Variants in DOCK5 observed in about 807,000 individuals in gnomAD.
The protein encoded by DOCK5 is dedicator of cytokinesis 5.
In DOCK5, 142 loss-of-function variants were observed where a neutral mutation model predicts 251.8. The observed-to-expected ratio is 0.56, with a 90% CI of 0.49 to 0.65. The LOEUF (loss-of-function observed/expected upper bound fraction) is 0.65. Among genes scored for constraint, DOCK5 ranks in the 30% least tolerant of loss-of-function variants. DOCK5 has a pLI of 0.00. For missense variants in DOCK5, 2,111 were observed against 2,312.3 expected (o/e 0.91, Z 1.79); for synonymous variants, 842 against 835.5 (o/e 1.01, Z -0.13).
intron 5 of DOCK5, among the ~76,000 whole-genome samples, chr8:25,285,673 C>A (rs149044454): frequency 1.3e-4 from 20 of 152,290 alleles, no homozygotes; most frequent in Non-Finnish European, 2.1e-4. Context: ...CTGCTGGATT[C>A]TAATCTCTTT....
At chr8:25,238,820 C>T (rs541345037) in intron 1 of DOCK5, among the ~76,000 whole-genome samples, 1 of 152,288 alleles carries the variant, frequency 6.6e-6, no homozygotes, top group Admixed American at 6.5e-5. Context: ...ATATTCTTTT[C>T]TGACATCGTT....
intron 5 of DOCK5, among the ~76,000 whole-genome samples, chr8:25,284,648 A>T (rs1436070103): frequency 6.6e-6 from 1 of 152,204 alleles, no homozygotes; most frequent in Non-Finnish European, 1.5e-5. Context: ...CACACGGCTG[A>T]GGTGGAATCA....
At chr8:25,198,126 A>G (rs1431180390) in intron 1 of DOCK5, among the ~76,000 whole-genome samples, 1 of 152,112 alleles carries the variant, frequency 6.6e-6, no homozygotes. Flanking sequence ...CTCTTTGCTG[A>G]CTCAGCCAAG....
At chr8:25,397,040 C>T (rs748187880) in intron 45 of DOCK5, among the ~76,000 whole-genome samples, 15 of 151,820 alleles carry the variant, frequency 9.9e-5, no homozygotes, top group Non-Finnish European at 1.9e-4. Context: ...GCGAACTTGG[C>T]GAAACCCTGT....
At chr8:25,203,467 T>A (rs1041703519) in intron 1 of DOCK5, among the ~76,000 whole-genome samples, 2 of 152,248 alleles carry the variant, frequency 1.3e-5, no homozygotes, top group Non-Finnish European at 2.9e-5. Context: ...TGAGCTGTGA[T>A]CTAAGCCAAG....
intron 5 of DOCK5, among the ~76,000 whole-genome samples, chr8:25,284,438 A>C (rs887961575): frequency 7.9e-5 from 12 of 152,218 alleles, no homozygotes; most frequent in Admixed American, 2.6e-4. Flanking sequence ...TTGCCCACCT[A>C]CTGTGGTTAT....
chr8:25,366,064 C>A (rs1243944838), intron 30 of DOCK5, among the ~76,000 whole-genome samples: 1 of 152,124 alleles, frequency 6.6e-6, no homozygotes, highest in Non-Finnish European at 1.5e-5. Context: ...TTTTTAATGG[C>A]TGAATATCAT....
intron 30 of DOCK5, 96 bp downstream of exon 30, chr8:25,364,800 T>C (rs1174132553): frequency 1.1e-6 from 1 of 910,638 alleles, no homozygotes; most frequent in East Asian, 2.7e-5. Flanking sequence ...TTCACTGTTT[T>C]CACATGAAAA....
At chr8:25,189,967 A>G (rs972552275) in intron 1 of DOCK5, among the ~76,000 whole-genome samples, 1 of 151,920 alleles carries the variant, frequency 6.6e-6, no homozygotes, top group African/African-American at 2.4e-5. Context: ...GCTCACTGCA[A>G]CCTCTGCCTC....
intron 2 of DOCK5, among the ~76,000 whole-genome samples, chr8:25,265,873 A>T (rs1305174442): frequency 6.6e-6 from 1 of 151,862 alleles, no homozygotes; most frequent in South Asian, 2.1e-4. Flanking sequence ...AATAATTTTG[A>T]CAGTGGAATT....
Position 25,297,503 on chromosome 8 carries a change from C to A in DOCK5, c.606+855C>A, listed in dbSNP as rs986119402. Among the ~76,000 whole-genome samples, 6 of 152,230 alleles carry A rather than the reference C, an allele frequency of 3.9e-5. No homozygotes were observed. The South Asian group carries it at 6.2e-4, about 16-fold the overall frequency. On this transcript the variant is annotated intron_variant, in intron 7 of 51. Transcript: ENST00000276440. ...TCCTGACCTCCTGTGATCCACCTGCCTTGGCCTCCCAAAGTGCTGGGATTA... is the reference window on the plus strand; with the variant it reads ...TCCTGACCTCCTGTGATCCACCTGCATTGGCCTCCCAAAGTGCTGGGATTA...
In DOCK5 at chr8:25,414,611, A is replaced by G. The variant is rs542244228; in HGVS notation, c.*3313A>G. 6.6e-6 allele frequency: 1 copy of G among 152,310 alleles called. No homozygotes were observed. Among genetic ancestry groups the G allele is most frequent in the African/African-American group, 2.4e-5 (1 of 41,578 alleles). 9.4% of individuals were successfully genotyped at this position (152,310 alleles called of 1,614,324 possible). A position where few individuals can be genotyped will look rare whatever the true frequency, so the allele number is the denominator to read the frequency against. On this transcript the variant is annotated 3_prime_UTR_variant, in exon 52 of 52. Transcript: ENST00000276440. ...TTTAAAATTTAGATGGAACTCATGT[A>G]TAGTTAAGTGCACAAATCTTAGCCG...
At chr8:25,333,850 C>T (rs1298849113) in intron 20 of DOCK5, among the ~76,000 whole-genome samples, 1 of 152,108 alleles carries the variant, frequency 6.6e-6, no homozygotes, top group African/African-American at 2.4e-5. Flanking sequence ...TCCCTGAGGC[C>T]AAGGATGCTG....
At chr8:25,376,257 T>A in intron 37 of DOCK5, 1 of 985,430 alleles carries the variant, frequency 1.0e-6, no homozygotes. Context: ...AACTCTCCTA[T>A]CCTGGTGTAA....
chr8:25,248,751 G>C (rs1033177189), intron 2 of DOCK5, among the ~76,000 whole-genome samples: 5 of 152,164 alleles, frequency 3.3e-5, no homozygotes, highest in Admixed American at 6.5e-5. Flanking sequence ...TGCAGAGCCT[G>C]TGCCTCCCTA....
chr8:25,218,395 C>T (rs1371278692), intron 1 of DOCK5, among the ~76,000 whole-genome samples: 1 of 152,184 alleles, frequency 6.6e-6, no homozygotes, highest in Non-Finnish European at 1.5e-5. Context: ...TTACCACACA[C>T]ATGCCACCAT....
intron 27 of DOCK5, among the ~76,000 whole-genome samples, chr8:25,356,452 TC>T (rs1486065593): frequency 3.9e-5 from 6 of 152,000 alleles, no homozygotes; most frequent in African/African-American, 1.5e-4. Context: ...GATTGCTTGA[TC>T]CCAGGAGTTG....
chr8:25,317,309 ATCTAGACTCT>A, intron 14 of DOCK5, 178 bp downstream of exon 14: 1 of 817,998 alleles, frequency 1.2e-6, no homozygotes, highest in Non-Finnish European at 1.9e-6. Context: ...TAAGGAAGCT[ATCTAGACTCT>A]TCTAGACTCT....
chr8:25,319,217 G>A (rs1004219777), intron 14 of DOCK5, among the ~76,000 whole-genome samples: 10 of 152,190 alleles, frequency 6.6e-5, no homozygotes, highest in East Asian at 3.9e-4. Flanking sequence ...AAATAGCGGC[G>A]CGTCTGCAGT....
Sources: gnomAD v4.1 joint callset for allele counts (sites outside exome capture counted in the v4.1 genomes callset) on GRCh38, gnomAD v4.1.1 for gene constraint, MANE v1.5 for transcripts, NCBI Gene and HGNC (gene_info 2026-07-23, HGNC 2026-07-21) for gene names.